The following GALNT5 variants were observed in gnomAD, a reference collection of about 807,000 sequenced individuals.
GALNT5 encodes UDP-GalNAc:polypeptide N-acetylgalactosaminyltransferase 5.
GALNT5 carries 72 observed loss-of-function variants against 85.4 expected under a neutral mutation model. That is an observed-to-expected ratio of 0.84 (90% CI 0.70 to 1.03). GALNT5 has a LOEUF of 1.03. GALNT5 is among the 50% of genes least tolerant of loss of function. GALNT5 has a pLI of 0.00. For missense variants in GALNT5, 1,137 were observed against 1,135.5 expected (o/e 1.00, Z -0.02); for synonymous variants, 404 against 397.0 (o/e 1.02, Z -0.21).
At position 157,288,731 on chromosome 2, in the gene GALNT5, G is replaced by A. The variant is rs2166487; in HGVS notation, c.1741+2597G>A. On this transcript the variant is annotated intron_variant, in intron 3 of 9. Transcript: ENST00000259056. ...AACGAAACTGTCTGATGTACATTTT[G>A]AAAGCTCATTCTGGCCACTGTGTAG... is the stretch of plus-strand genomic sequence containing the variant. Among the ~76,000 whole-genome samples the A allele has an allele frequency of 2.1e-3, 321 of 152,162 alleles. 4 individuals carry two copies. Among genetic ancestry groups the A allele is most frequent in the African/African-American group, 7.0e-3 (290 of 41,486 alleles).
In GALNT5 at chr2:157,313,002, T is replaced by G. The variant is rs1449892475; in HGVS notation, c.*1654T>G. ...AGTTACGTAAAAGCAAAACTATAAC[T>G]AAGAATGGGAAAAAGAACTATTTCT... On this transcript the variant is annotated 3_prime_UTR_variant, in exon 10 of 10. Coordinates refer to ENST00000259056, the MANE Select transcript of GALNT5 (RefSeq NM_014568.3). The G allele has an allele frequency of 6.6e-6, 1 of 152,020 alleles. No individual in the cohort carries two copies. The highest frequency in any genetic ancestry group is 6.5e-5 in the Admixed American group (1 of 15,270). The allele number at this position is 152,020 out of a possible 1,614,324, so 9.4% of individuals were successfully genotyped here. A position where few individuals can be genotyped will look rare whatever the true frequency, so the allele number is the denominator to read the frequency against.
intron 9 of GALNT5, 140 bp from the exon 10 acceptor site, chr2:157,311,068 T>C (rs1391935546): frequency 7.2e-6 from 5 of 699,154 alleles, no homozygotes; most frequent in Non-Finnish European, 9.9e-6. Context: ...TCTGTGTTTA[T>C]GTTAATAATT....
rs752087323 is a variant in GALNT5 at position 157,259,546 on chromosome 2, A to G, written c.1454+10A>G. On this transcript the variant is annotated intron_variant, in intron 1 of 9. Transcript: ENST00000259056. The stretch of plus-strand genomic sequence containing the variant: ...ACACCAGACCTGCTGGGTAAGACCT[A>G]TTTCTCTTCTCTTTCCTCAACCCCA... 42 of 1,318,538 alleles carry G rather than the reference A, an allele frequency of 3.2e-5. 1 individual carries two copies. In the South Asian group the frequency reaches 1.2e-3, roughly 38 times the overall value. 81.7% of individuals were successfully genotyped at this position (1,318,538 alleles called of 1,614,324 possible). A position where few individuals can be genotyped will look rare whatever the true frequency, so the allele number is the denominator to read the frequency against.
rs1190346360 is a variant in GALNT5, at chr2:157,316,849, A to ACTCTAATT, written c.*5501_*5502insCTCTAATT. On this transcript the variant is annotated 3_prime_UTR_variant, in exon 10 of 10. Coordinates refer to ENST00000259056, the MANE Select transcript of GALNT5 (RefSeq NM_014568.3). ...TCATTTCAATTAGAGTCGCTTTGCA[A>ACTCTAATT]GTTTATGTGAATCTTTGCTTTGTAA... 2.6e-5 allele frequency among the ~76,000 whole-genome samples: 4 copies of ACTCTAATT among 152,136 alleles called. No homozygotes were observed. Among genetic ancestry groups the ACTCTAATT allele is most frequent in the Admixed American group, 6.5e-5 (1 of 15,268 alleles).
At chr2:157,277,237 T>G (rs1250238173) in intron 1 of GALNT5, among the ~76,000 whole-genome samples, 1 of 152,212 alleles carries the variant, frequency 6.6e-6, no homozygotes, top group Non-Finnish European at 1.5e-5. Context: ...ATGCTTTACT[T>G]CCAATTATGT....
Position 157,289,505 on chromosome 2 carries a change from T to C in GALNT5, c.1741+3371T>C, listed in dbSNP as rs542104871. Reference sequence around the variant, plus strand: ...TTCTAATACCTTCTTTTCTATGTTATTTATGTTTTAGATCCTAGCCAATCT... The same window carrying C: ...TTCTAATACCTTCTTTTCTATGTTACTTATGTTTTAGATCCTAGCCAATCT... On this transcript the variant is annotated intron_variant, in intron 3 of 9. Coordinates refer to ENST00000259056, the MANE Select transcript of GALNT5 (RefSeq NM_014568.3). Among the ~76,000 whole-genome samples, 15 of 152,332 alleles carry C rather than the reference T, an allele frequency of 9.8e-5. No homozygotes were observed. The South Asian group carries it at 3.1e-3, about 32-fold the overall frequency.
chr2:157,259,570 C>G (rs778164169), intron 1 of GALNT5, 34 bp downstream of exon 1: 90 of 1,306,316 alleles, frequency 6.9e-5, no homozygotes, highest in Admixed American at 1.2e-4. Flanking sequence ...TCCTCAACCC[C>G]AAGTGCTTTG....
intron 7 of GALNT5, chr2:157,301,538 A>T (rs572141092): frequency 6.3e-6 from 1 of 157,508 alleles, no homozygotes; most frequent in East Asian, 1.9e-4. Context: ...AAGACAGGTG[A>T]GTGTTCTCCA....
chr2:157,294,965 C>CTT (rs11449042), intron 3 of GALNT5, among the ~76,000 whole-genome samples: 142 of 148,050 alleles, frequency 9.6e-4, no homozygotes, highest in South Asian at 2.5e-3. Context: ...GTTTCTTTTC[C>CTT]TTTTTTTTTT....
At chr2:157,281,194 A>G (rs1333489167) in intron 1 of GALNT5, among the ~76,000 whole-genome samples, 2 of 152,098 alleles carry the variant, frequency 1.3e-5, no homozygotes, top group African/African-American at 4.8e-5. Context: ...CCTCCCAAGT[A>G]GCTGGGATTA....
In GALNT5 at chr2:157,258,293, A is replaced by G. The variant is rs970645458; in HGVS notation, c.211A>G (p.Ile71Val). 1 of 1,599,326 alleles carries G rather than the reference A, an allele frequency of 6.3e-7. No individual in the cohort carries two copies. Among genetic ancestry groups the G allele is most frequent in the Non-Finnish European group, 8.5e-7 (1 of 1,174,420 alleles). ...CCAAGGAAAAATTTTTTACAGCAGC[A>G]TAAAAGAGATGAAACCTCCCCTAAG... Reference protein sequence around the residue: ...PDQGKIFYSSIKEMKPPLRGH... With the variant: ...PDQGKIFYSSVKEMKPPLRGH... Residue 71 changes from isoleucine (I) to valine (V), a missense_variant, in exon 1 of 10, where the codon ATA becomes GTA. Coordinates refer to ENST00000259056, the MANE Select transcript of GALNT5 (RefSeq NM_014568.3).
In GALNT5 at chr2:157,257,986, T is replaced by TCTGCTGCTGCTGCTGCTG. The variant is rs138788414; in HGVS notation, c.-88_-71dup. ...GGGGAGGGGGTCACTTTCTGGCAAC[T>TCTGCTGCTGCTGCTGCTG]CTGCTGCTGCTGCTGCTGCTGCTGC... On this transcript the variant is annotated 5_prime_UTR_variant, in exon 1 of 10. Transcript: ENST00000259056. The TCTGCTGCTGCTGCTGCTG allele has an allele frequency of 4.1e-4, 537 of 1,319,962 alleles. 1 individual carries two copies. In the African/African-American group the frequency reaches 7.3e-3, roughly 18 times the overall value. The allele number at this position is 1,319,962 out of a possible 1,614,324, so 81.8% of individuals were successfully genotyped here.
In GALNT5 at chr2:157,296,480, C is replaced by T. The variant is rs774068981; in HGVS notation, c.1964C>T (p.Ala655Val). ...GWRTIPPDVI[A>V]KNRIKETDTI... ...AGAACAATTCCTCCAGATGTCATTG[C>T]AAAAAACAGAATTAAAGAAACTGAT... Residue 655 changes from alanine to valine, a missense_variant, in exon 5 of 10, where the codon GCA becomes GTA. Transcript: ENST00000259056. 1.9e-6 allele frequency: 3 copies of T among 1,608,864 alleles called. No homozygotes were observed. The highest frequency in any genetic ancestry group is 1.7e-6 in the Non-Finnish European group (2 of 1,175,750).
Position 157,312,878 on chromosome 2 carries a change from C to G in GALNT5, c.*1530C>G, listed in dbSNP as rs766597069. Reference sequence around the variant, plus strand: ...CTATATTCTTGTTAATATGTTTTTTCTTTTTTTAAATTTAAACTTTTGTTC... The same window carrying G: ...CTATATTCTTGTTAATATGTTTTTTGTTTTTTTAAATTTAAACTTTTGTTC... On this transcript the variant is annotated 3_prime_UTR_variant, in exon 10 of 10. Coordinates refer to ENST00000259056, the MANE Select transcript of GALNT5 (RefSeq NM_014568.3). 6.6e-6 allele frequency: 1 copy of G among 151,952 alleles called. No individual in the cohort carries two copies. The highest frequency in any genetic ancestry group is 1.5e-5 in the Non-Finnish European group (1 of 67,954). 9.4% of individuals were successfully genotyped at this position (151,952 alleles called of 1,614,324 possible).
At chr2:157,297,138 C>A (rs1418711916) in intron 5 of GALNT5, among the ~76,000 whole-genome samples, 8 of 152,144 alleles carry the variant, frequency 5.3e-5, no homozygotes, top group Admixed American at 5.2e-4. Context: ...GGAAGAGCTG[C>A]AGGGGGCTTA....
chr2:157,281,379 A>G (rs1682850977), intron 1 of GALNT5, among the ~76,000 whole-genome samples: 1 of 152,184 alleles, frequency 6.6e-6, no homozygotes, highest in East Asian at 1.9e-4. Context: ...AGCAACACAA[A>G]AATGGCCTAA....
chr2:157,307,254 T>C (rs1683474356), intron 8 of GALNT5, among the ~76,000 whole-genome samples: 2 of 152,056 alleles, frequency 1.3e-5, no homozygotes. Context: ...AGTAAAGAAA[T>C]GTGGAGGAAG....
chr2:157,281,717 C>T (rs895000048), intron 1 of GALNT5, among the ~76,000 whole-genome samples: 4 of 152,244 alleles, frequency 2.6e-5, no homozygotes, highest in South Asian at 4.2e-4. Flanking sequence ...ACTTCTGGTG[C>T]AGGCTTAGAA....
intron 2 of GALNT5, 42 bp from the exon 3 acceptor site, chr2:157,285,973 C>A (rs1242183695): frequency 1.3e-6 from 2 of 1,510,038 alleles, no homozygotes; most frequent in Non-Finnish European, 1.8e-6. Context: ...TCCGGACTTA[C>A]TTAATTCAAG....
Sources: allele counts gnomAD v4.1 joint callset (sites outside exome capture counted in the v4.1 genomes callset), GRCh38; gene constraint gnomAD v4.1.1; transcripts MANE v1.5; gene names NCBI Gene and HGNC (gene_info 2026-07-23, HGNC 2026-07-21).